The following EXOC3L2 variants were observed in gnomAD, a reference collection of about 807,000 sequenced individuals.
EXOC3L2 encodes exocyst complex component 3 like 2.
In EXOC3L2, 17 loss-of-function variants were observed where a neutral mutation model predicts 44.4. The ratio of observed to expected loss-of-function variants is 0.38; its 90% CI spans 0.26 to 0.57. The LOEUF (loss-of-function observed/expected upper bound fraction) is 0.57. EXOC3L2 is among the 20% of genes least tolerant of loss of function. EXOC3L2 has a pLI of 0.65. For missense variants in EXOC3L2, 541 were observed against 588.4 expected (o/e 0.92, Z 0.83); for synonymous variants, 256 against 253.7 (o/e 1.01, Z -0.09).
chr19:45,228,295 G>A (rs1258879839), intron 4 of EXOC3L2, 29 bp from the exon 5 acceptor site: 1 of 1,605,708 alleles, frequency 6.2e-7, no homozygotes, highest in Admixed American at 1.7e-5. Flanking sequence ...AGACAGGCAG[G>A]AGTTGGGGGC....
At chr19:45,228,912 A>AC (rs560982123) in intron 4 of EXOC3L2, among the ~76,000 whole-genome samples, 12,528 of 151,718 alleles carry the variant, frequency 0.083, 641 homozygotes, top group African/African-American at 0.14. Flanking sequence ...TCCACTAAAA[A>AC]TACAAAAAAT....
chr19:45,241,380 A>G (rs1970129988), intron 1 of EXOC3L2, among the ~76,000 whole-genome samples: 2 of 150,068 alleles, frequency 1.3e-5, no homozygotes, highest in South Asian at 4.3e-4. Context: ...CGGGAGGCTG[A>G]GGCAGGAGAA....
chr19:45,217,929 C>T (rs1379067590), intron 9 of EXOC3L2, among the ~76,000 whole-genome samples: 2 of 152,060 alleles, frequency 1.3e-5, no homozygotes, highest in Admixed American at 1.3e-4. Context: ...AGCCTCTCCC[C>T]ATTCCCCAAG....
rs760798374 is a variant in EXOC3L2 at position 45,228,009 on chromosome 19, G to A, written c.1437C>T (p.His479=). Residue 479 remains histidine, a synonymous_variant, in exon 6 of 12, where the codon CAC becomes CAT. Transcript: ENST00000413988. The part of the protein sequence containing the change: ...ISQEFGERMA[H]CCLGGLAEFL... ...ACTCTGCCAGCCCGCCTAGGCAGCA[G>A]TGGGCCATCCGCTCCCCAAACTCCT... 9 of 1,614,030 alleles carry A rather than the reference G, an allele frequency of 5.6e-6. No individual in the cohort carries two copies. The highest frequency in any genetic ancestry group is 5.5e-5 in the South Asian group (5 of 91,082).
chr19:45,217,511 C>T lies in EXOC3L2; in HGVS notation c.1998+17G>A, dbSNP rs1018908216. 6.4e-7 allele frequency: 1 copy of T among 1,564,990 alleles called. No individual in the cohort carries two copies. The highest frequency in any genetic ancestry group is 8.6e-7 in the Non-Finnish European group (1 of 1,164,022). The stretch of plus-strand genomic sequence containing the variant: ...TCCTGGTTTCTGAAACACCCCCAAC[C>T]GCGTCCCGACACTGACCAGCCGCCG... On this transcript the variant is annotated intron_variant, in intron 10 of 11. Transcript: ENST00000413988.
At chr19:45,219,420 A>G (rs1232160949) in intron 8 of EXOC3L2, among the ~76,000 whole-genome samples, 2 of 151,516 alleles carry the variant, frequency 1.3e-5, no homozygotes, top group African/African-American at 4.9e-5. Context: ...AAAAAGAGAA[A>G]AAGTAAGAAC....
intron 9 of EXOC3L2, 104 bp from the exon 10 acceptor site, chr19:45,217,787 CGGGCACCCAT>C (rs1969853008): frequency 6.1e-6 from 8 of 1,312,976 alleles, no homozygotes; most frequent in African/African-American, 1.6e-5. Flanking sequence ...ACATCCACTC[CGGGCACCCAT>C]GGGCACCCTT....
In EXOC3L2 at chr19:45,217,669, C is replaced by A; in HGVS notation, c.1857G>T (p.Glu619Asp). 1 of 1,407,568 alleles carries A rather than the reference C, an allele frequency of 7.1e-7. No individual in the cohort carries two copies. The highest frequency in any genetic ancestry group is 9.2e-7 in the Non-Finnish European group (1 of 1,088,872). The allele number at this position is 1,407,568 out of a possible 1,614,324, so 87.2% of individuals were successfully genotyped here. The change falls in exon 10 of 12, where the codon GAG (glutamate) becomes GAT (aspartate). Residue 619 changes from glutamate to aspartate, a missense_variant. By Grantham distance (45) the Glu-to-Asp change is conservative (BLOSUM62 2). Coordinates refer to ENST00000413988, the MANE Select transcript of EXOC3L2 (RefSeq NM_001382422.1). Reference sequence around the variant, plus strand: ...ACTCGACCAGCGCCCGCCGGTGTAGCTCGGCTACCAGCGCCTGGAGGCGGA... The same window carrying A: ...ACTCGACCAGCGCCCGCCGGTGTAGATCGGCTACCAGCGCCTGGAGGCGGA... Reference protein sequence around the residue: ...QDEPYQALVAELHRRALVEYV... With the variant: ...QDEPYQALVADLHRRALVEYV...
chr19:45,231,425 C>CTGGA (rs1970030115), intron 4 of EXOC3L2, among the ~76,000 whole-genome samples: 1 of 140,240 alleles, frequency 7.1e-6, no homozygotes, highest in African/African-American at 2.7e-5. Flanking sequence ...GAGGTCAATG[C>CTGGA]TCCAGCCTGG....
chr19:45,239,813 G>A (rs2122993322), intron 1 of EXOC3L2, among the ~76,000 whole-genome samples: 1 of 152,086 alleles, frequency 6.6e-6, no homozygotes. Flanking sequence ...AGCCACCTCT[G>A]CTGGCCTGGA....
intron 8 of EXOC3L2, among the ~76,000 whole-genome samples, chr19:45,223,522 T>C (rs922613981): frequency 6.6e-5 from 10 of 151,580 alleles, no homozygotes; most frequent in Non-Finnish European, 1.0e-4. Flanking sequence ...TTTGTAATTT[T>C]AGTAGAGACG....
rs983643820 is a variant in EXOC3L2 at position 45,238,617 on chromosome 19, C to T, written c.429G>A (p.Ala143=). The T allele has an allele frequency of 3.0e-5, 12 of 399,218 alleles. No homozygotes were observed. Among genetic ancestry groups the T allele is most frequent in the Admixed American group, 4.4e-5 (1 of 22,714 alleles). The allele number at this position is 399,218 out of a possible 1,614,324, so 24.7% of individuals were successfully genotyped here. The change falls in exon 2 of 12, where the codon GCG becomes GCA. Residue 143 remains alanine, a synonymous_variant. Transcript: ENST00000413988. The surrounding 1 kb of genome is among the most constrained non-coding windows in gnomAD (Gnocchi z 5.5). ...CAGGCACCACTCTCTCAGCCAGGGA[C>T]GCACGCTGGGGCTTGGATCCACGCC... ...RLGRGSKPQR[A]SLAERVVPAG...
chr19:45,218,977 G>T (rs933703347), intron 8 of EXOC3L2, among the ~76,000 whole-genome samples: 1 of 152,100 alleles, frequency 6.6e-6, no homozygotes, highest in Non-Finnish European at 1.5e-5. Flanking sequence ...AGTGGCTCAC[G>T]CCTGTAATCC....
rs538479403 is a variant in EXOC3L2 at position 45,241,402 on chromosome 19, C to T, written c.-16-2341G>A. On this transcript the variant is annotated intron_variant, in intron 1 of 11. Transcript: ENST00000413988. ...CTGAGGCAGGAGAATGGCATGAACGCGGAAGGCGGAGATTGCAGTGAGCTG... is the reference window on the plus strand; with the variant it reads ...CTGAGGCAGGAGAATGGCATGAACGTGGAAGGCGGAGATTGCAGTGAGCTG... 9.5e-5 allele frequency among the ~76,000 whole-genome samples: 14 copies of T among 148,104 alleles called. No individual in the cohort carries two copies. The East Asian group carries it at 1.2e-3, about 13-fold the overall frequency.
intron 7 of EXOC3L2, among the ~76,000 whole-genome samples, chr19:45,226,021 G>A (rs2122971169): frequency 6.6e-6 from 1 of 152,266 alleles, no homozygotes; most frequent in East Asian, 1.9e-4. Flanking sequence ...TTTTCCGTTA[G>A]GGCATGAAGA....
Position 45,227,735 on chromosome 19 carries a change from C to G in EXOC3L2, c.1510G>C (p.Ala504Pro). ...GTGTCAGGTAGCATCTCCCGGACTG[C>G]TGGGTTCTCATGGAATCGCTCCACA... Reference protein sequence around the residue: ...QRVERFHENPAVREMLPDTYI... With the variant: ...QRVERFHENPPVREMLPDTYI... The change falls in exon 7 of 12, where the codon GCA (alanine) becomes CCA (proline). Residue 504 changes from alanine (A) to proline (P), a missense_variant. Coordinates refer to ENST00000413988, the MANE Select transcript of EXOC3L2 (RefSeq NM_001382422.1). The G allele has an allele frequency of 1.9e-6, 3 of 1,613,036 alleles. No homozygotes were observed. Among genetic ancestry groups the G allele is most frequent in the Non-Finnish European group, 2.5e-6 (3 of 1,179,832 alleles).
At chr19:45,214,228 C>G (rs941516121) in intron 11 of EXOC3L2, among the ~76,000 whole-genome samples, 1 of 152,140 alleles carries the variant, frequency 6.6e-6, no homozygotes, top group African/African-American at 2.4e-5. Flanking sequence ...AACTGACCAC[C>G]CTGAATCAAT....
intron 7 of EXOC3L2, among the ~76,000 whole-genome samples, chr19:45,225,612 A>ACTCTT (rs1969951173): frequency 8.4e-6 from 1 of 119,298 alleles, no homozygotes; most frequent in Non-Finnish European, 1.8e-5. Flanking sequence ...CTGTACCCTT[A>ACTCTT]CTCTTCTCTT....
intron 2 of EXOC3L2, among the ~76,000 whole-genome samples, chr19:45,236,388 C>A (rs956944788): frequency 6.7e-6 from 1 of 149,134 alleles, no homozygotes; most frequent in Non-Finnish European, 1.5e-5. Context: ...ATTGCTTGAA[C>A]CCAGGCGGCG....
Sources: gnomAD v4.1 joint callset for allele counts (sites outside exome capture counted in the v4.1 genomes callset) on GRCh38, gnomAD v4.1.1 for gene constraint, Gnocchi (gnomAD v3.1) non-coding constraint, MANE v1.5 for transcripts, NCBI Gene and HGNC (gene_info 2026-07-23, HGNC 2026-07-21) for gene names.